ZNF804B: variants seen among roughly 807,000 people sequenced by gnomAD.
The protein encoded by ZNF804B is zinc finger protein 804B.
ZNF804B carries 80 observed loss-of-function variants against 101.4 expected under a neutral mutation model. That is an observed-to-expected ratio of 0.79 (90% CI 0.66 to 0.95). The LOEUF (loss-of-function observed/expected upper bound fraction) is 0.95, where lower values mean the gene tolerates loss of function less well. Among genes scored for constraint, ZNF804B ranks in the 40% least tolerant of loss-of-function variants. ZNF804B has a pLI of 0.00. For synonymous variants in ZNF804B, 622 were observed against 558.8 expected (o/e 1.11, Z -1.59); for missense variants, 1,673 against 1,561.9 (o/e 1.07, Z -1.20).
At chr7:89,311,030 T>G (rs1448305933) in intron 2 of ZNF804B, among the ~76,000 whole-genome samples, 1 of 152,138 alleles carries the variant, frequency 6.6e-6, no homozygotes, top group Non-Finnish European at 1.5e-5. Context: ...ACAAGAAGCA[T>G]GACTAATTCT....
chr7:89,034,973 A>T (rs1034124509), intron 1 of ZNF804B, among the ~76,000 whole-genome samples: 3 of 152,128 alleles, frequency 2.0e-5, no homozygotes, highest in Non-Finnish European at 4.4e-5. Flanking sequence ...TCTAAGATCT[A>T]TTGAGGAAAC....
intron 2 of ZNF804B, among the ~76,000 whole-genome samples, chr7:89,244,966 T>C (rs1233924585): frequency 6.6e-6 from 1 of 152,166 alleles, no homozygotes; most frequent in Non-Finnish European, 1.5e-5. Flanking sequence ...GGCAAATGTT[T>C]CCTAGAGGAA....
At chr7:89,208,718 T>G (rs760310678) in intron 1 of ZNF804B, among the ~76,000 whole-genome samples, 4 of 152,038 alleles carry the variant, frequency 2.6e-5, no homozygotes, top group Non-Finnish European at 5.9e-5. Flanking sequence ...TCCTAAAAAA[T>G]AATCCCTGTT....
At chr7:89,226,076 T>A (rs148914945) in intron 2 of ZNF804B, among the ~76,000 whole-genome samples, 1 of 151,966 alleles carries the variant, frequency 6.6e-6, no homozygotes, top group Non-Finnish European at 1.5e-5. Context: ...CTAATACAAA[T>A]TTGAAGAGAT....
At chr7:89,325,254 G>A (rs1790880541) in intron 2 of ZNF804B, among the ~76,000 whole-genome samples, 1 of 151,810 alleles carries the variant, frequency 6.6e-6, no homozygotes, top group African/African-American at 2.4e-5. Context: ...GTGGCTAGAT[G>A]TCTTTAAACA....
intron 1 of ZNF804B, among the ~76,000 whole-genome samples, chr7:89,116,787 A>C (rs1206070405): frequency 6.6e-6 from 1 of 152,212 alleles, no homozygotes; most frequent in Non-Finnish European, 1.5e-5. Context: ...CACGAATTTT[A>C]AATTACCTAG....
intron 2 of ZNF804B, among the ~76,000 whole-genome samples, chr7:89,293,336 A>G (rs1416296957): frequency 3.3e-5 from 5 of 152,158 alleles, no homozygotes; most frequent in Admixed American, 6.5e-5. Context: ...TAATTCCACC[A>G]TATATACATG....
At chr7:88,768,491 G>A (rs1790016729) in intron 1 of ZNF804B, among the ~76,000 whole-genome samples, 1 of 152,226 alleles carries the variant, frequency 6.6e-6, no homozygotes, top group East Asian at 1.9e-4. Flanking sequence ...GCCCAGGTGG[G>A]CAGATTGCCT....
intron 1 of ZNF804B, among the ~76,000 whole-genome samples, chr7:89,108,868 G>C (rs1790173404): frequency 6.6e-6 from 1 of 152,100 alleles, no homozygotes; most frequent in South Asian, 2.1e-4. Flanking sequence ...GGCTAAAAAG[G>C]AGAAATACAT....
chr7:89,336,193 A>G lies in ZNF804B; in HGVS notation c.3211A>G (p.Asn1071Asp). ...PFIQSCDPVP[N>D]EFPGAFPSNK... ...TATTCAAAGCTGTGACCCAGTACCA[A>G]ATGAATTCCCTGGTGCTTTTCCGTC... The change falls in exon 4 of 4, where the codon AAT becomes GAT. Residue 1071 changes from asparagine to aspartate, a missense_variant. Coordinates refer to ENST00000333190, the MANE Select transcript of ZNF804B (RefSeq NM_181646.5). 2 of 1,613,918 alleles carry G rather than the reference A, an allele frequency of 1.2e-6. No individual in the cohort carries two copies. Among genetic ancestry groups the G allele is most frequent in the African/African-American group, 2.7e-5 (2 of 75,030 alleles).
chr7:88,975,464 A>G (rs756194733), intron 1 of ZNF804B, among the ~76,000 whole-genome samples: 6 of 151,388 alleles, frequency 4.0e-5, no homozygotes, highest in Non-Finnish European at 7.4e-5. Context: ...TTTTAGGAAA[A>G]AAAAAGTGAT....
chr7:89,196,778 G>GA (rs759574441), intron 1 of ZNF804B, among the ~76,000 whole-genome samples: 62 of 150,750 alleles, frequency 4.1e-4, no homozygotes, highest in Non-Finnish European at 6.8e-4. Flanking sequence ...AAAATAACAG[G>GA]AAAAAAACCC....
intron 1 of ZNF804B, among the ~76,000 whole-genome samples, chr7:88,864,781 G>T (rs2115864435): frequency 6.6e-6 from 1 of 152,214 alleles, no homozygotes; most frequent in South Asian, 2.1e-4. Flanking sequence ...GGGCCCACAG[G>T]GTCAGTTGTG....
At chr7:88,818,382 AG>A (rs1162735995) in intron 1 of ZNF804B, among the ~76,000 whole-genome samples, 6 of 152,164 alleles carry the variant, frequency 3.9e-5, no homozygotes, top group Non-Finnish European at 7.4e-5. Context: ...TTGGAAGCAA[AG>A]GGGATAATAA....
Position 88,915,164 on chromosome 7 carries a change from G to A in ZNF804B, c.108+155080G>A, listed in dbSNP as rs1398893706. Among the ~76,000 whole-genome samples, 5 of 152,016 alleles carry A rather than the reference G, an allele frequency of 3.3e-5. No individual in the cohort carries two copies. The East Asian group carries it at 5.8e-4, about 18-fold the overall frequency. On this transcript the variant is annotated intron_variant, in intron 1 of 3. Coordinates refer to ENST00000333190, the MANE Select transcript of ZNF804B (RefSeq NM_181646.5). ...GAGAAAATAATTGCTTATCTTTAAT[G>A]AGAGTTTCTTCTATTACTGATTTTT...
Position 89,075,088 on chromosome 7 carries a change from G to T in ZNF804B, c.109-143067G>T, listed in dbSNP as rs541646217. On this transcript the variant is annotated intron_variant, in intron 1 of 3. Transcript: ENST00000333190. ...AAAGGCATTCAGTTTTATAAAGGAAGCAGAGCCTAAAAGTTCAGAAAATTT... is the reference window on the plus strand; with the variant it reads ...AAAGGCATTCAGTTTTATAAAGGAATCAGAGCCTAAAAGTTCAGAAAATTT... 3.4e-4 allele frequency among the ~76,000 whole-genome samples: 52 copies of T among 152,266 alleles called. 1 individual carries two copies. The South Asian group carries it at 0.011, about 32-fold the overall frequency.
intron 1 of ZNF804B, among the ~76,000 whole-genome samples, chr7:88,983,665 G>T (rs1340914942): frequency 2.0e-5 from 3 of 151,972 alleles, no homozygotes; most frequent in Admixed American, 6.6e-5. Context: ...ATGCTGAAAG[G>T]CTAGTATCTT....
intron 2 of ZNF804B, among the ~76,000 whole-genome samples, chr7:89,281,973 G>A (rs142403260): frequency 9.1e-4 from 139 of 152,076 alleles, no homozygotes; most frequent in African/African-American, 2.7e-3. Flanking sequence ...AGGCCGAGGC[G>A]GGCGGATCAC....
chr7:89,329,179 C>T (rs1790940488), intron 3 of ZNF804B, among the ~76,000 whole-genome samples: 1 of 151,734 alleles, frequency 6.6e-6, no homozygotes. Flanking sequence ...AATAGGCAAA[C>T]TCTCTAGGTC....
Sources: allele counts gnomAD v4.1 joint callset (sites outside exome capture counted in the v4.1 genomes callset), GRCh38; gene constraint gnomAD v4.1.1; transcripts MANE v1.5; gene names NCBI Gene and HGNC (gene_info 2026-07-23, HGNC 2026-07-21).